Variants in IPO5 observed in about 807,000 individuals in gnomAD.
IPO5 encodes importin-5.
IPO5 carries 18 observed loss-of-function variants against 143.3 expected under a neutral mutation model. That is an observed-to-expected ratio of 0.13 (90% CI 0.09 to 0.19). The LOEUF (loss-of-function observed/expected upper bound fraction) is 0.19, where lower values mean the gene tolerates loss of function less well. Among genes scored for constraint, IPO5 ranks in the 10% least tolerant of loss-of-function variants. The pLI is 1.00. For synonymous variants in IPO5, 477 were observed against 465.7 expected (o/e 1.02, Z -0.31); for missense variants, 1,013 against 1,336.9 (o/e 0.76, Z 3.78).
intron 2 of IPO5, among the ~76,000 whole-genome samples, chr13:97,960,822 G>T (rs1001635477): frequency 1.5e-4 from 23 of 152,236 alleles, no homozygotes; most frequent in African/African-American, 5.5e-4. Flanking sequence ...GCCTCCCAAA[G>T]TGCTGGGATT....
intron 21 of IPO5, 23 bp from the exon 22 acceptor site, chr13:98,014,019 T>C: frequency 2.5e-6 from 4 of 1,597,230 alleles, no homozygotes; most frequent in Non-Finnish European, 3.4e-6. Flanking sequence ...AAACAGTCTT[T>C]TGAGGTTCCT....
In IPO5 at chr13:98,009,890, A is replaced by G. The variant is rs1298572892; in HGVS notation, c.1810A>G (p.Met604Val). 4 of 1,606,014 alleles carry G rather than the reference A, an allele frequency of 2.5e-6. No individual in the cohort carries two copies. The highest frequency in any genetic ancestry group is 2.6e-6 in the Non-Finnish European group (3 of 1,175,666). The change falls in exon 19 of 29, where the codon ATG becomes GTG. Residue 604 changes from methionine (M) to valine (V), a missense_variant. Met to Val is a conservative substitution (Grantham distance 21). Transcript: ENST00000651721. ...MEDDDPQISYMISAWARMCKI... is the reference protein window; with the variant it reads ...MEDDDPQISYVISAWARMCKI... The stretch of plus-strand genomic sequence containing the variant: ...TAAAATTTTTCCCCAGATCTCTTAC[A>G]TGATCTCAGCATGGGCCAGAATGTG...
At chr13:97,985,769 A>G (rs1291054803) in intron 6 of IPO5, 156 bp downstream of exon 6, 9 of 622,406 alleles carry the variant, frequency 1.4e-5, no homozygotes, top group Non-Finnish European at 2.2e-5. Flanking sequence ...ATTTAGAGCC[A>G]GAAATTACAG....
intron 25 of IPO5, among the ~76,000 whole-genome samples, chr13:98,017,592 C>T (rs1890211083): frequency 6.6e-6 from 1 of 152,014 alleles, no homozygotes; most frequent in South Asian, 2.1e-4. Context: ...GCCACTGCGC[C>T]CAGGCCTACG....
chr13:97,960,376 G>T (rs902008642), intron 2 of IPO5: 1 of 152,054 alleles, frequency 6.6e-6, no homozygotes, highest in Non-Finnish European at 1.5e-5. Flanking sequence ...GGTTATGAAT[G>T]GTTATCACTC....
At position 98,018,685 on chromosome 13, in the gene IPO5, T is replaced by C; in HGVS notation, c.2817T>C (p.Asn939=). Residue 939 remains asparagine (N), a synonymous_variant, in exon 26 of 29, where the codon AAT becomes AAC. Coordinates refer to ENST00000651721, the MANE Select transcript of IPO5 (RefSeq NM_002271.6). ...TCATGGCACAGTACGGTGGAGATAA[T>C]TATCGCCCTTTTTGTACAGGTACGT... The part of the protein sequence containing the change: ...LGVMAQYGGD[N]YRPFCTEALP... The C allele has an allele frequency of 6.2e-7, 1 of 1,614,000 alleles. No homozygotes were observed. Among genetic ancestry groups the C allele is most frequent in the Non-Finnish European group, 8.5e-7 (1 of 1,179,920 alleles).
intron 28 of IPO5, 62 bp downstream of exon 28, chr13:98,021,195 T>A: frequency 1.4e-6 from 2 of 1,429,814 alleles, no homozygotes; most frequent in Non-Finnish European, 9.4e-7. Flanking sequence ...TGTAGTCCTC[T>A]ATGAGAAGAA....
intron 2 of IPO5, chr13:97,963,380 T>C (rs1566442086): frequency 2.6e-5 from 4 of 151,546 alleles, no homozygotes; most frequent in Non-Finnish European, 5.9e-5. Context: ...AGCTTTTTTT[T>C]TTTTTTTTGA....
intron 11 of IPO5, among the ~76,000 whole-genome samples, chr13:97,995,079 T>C (rs929644819): frequency 6.7e-6 from 1 of 149,668 alleles, no homozygotes; most frequent in African/African-American, 2.5e-5. Context: ...GAGCCAAGAT[T>C]GCACCATTGC....
chr13:97,993,043 G>A lies in IPO5; in HGVS notation c.792+29G>A, dbSNP rs148571963. The stretch of plus-strand genomic sequence containing the variant: ...AATTAAGTACGTTAGTAAACGTTCT[G>A]TTTGTTATTTTCAGGGACTAATCTA... On this transcript the variant is annotated intron_variant, in intron 10 of 28. Coordinates refer to ENST00000651721, the MANE Select transcript of IPO5 (RefSeq NM_002271.6). 1,545 of 1,611,384 alleles carry A rather than the reference G, an allele frequency of 9.6e-4. 12 individuals carry two copies. In the African/African-American group the frequency reaches 0.018, roughly 19 times the overall value.
rs538423917 is a variant in IPO5 at position 98,015,722 on chromosome 13, T to A, written c.2438-4T>A. On this transcript the variant is annotated splice_polypyrimidine_tract_variant and splice_region_variant and intron_variant, in intron 23 of 28. Transcript: ENST00000651721. ...TTTAAAACATTTATTTGGGTGTGTTTTAGTTAAAAGACAAGATGAAGACTA... is the reference window on the plus strand; with the variant it reads ...TTTAAAACATTTATTTGGGTGTGTTATAGTTAAAAGACAAGATGAAGACTA... The A allele has an allele frequency of 1.9e-6, 3 of 1,609,052 alleles. No individual in the cohort carries two copies. Among genetic ancestry groups the A allele is most frequent in the South Asian group, 2.2e-5 (2 of 90,700 alleles).
intron 1 of IPO5, 180 bp from the exon 2 acceptor site, chr13:97,953,939 T>A (rs553909770): frequency 4.4e-6 from 2 of 456,034 alleles, no homozygotes; most frequent in South Asian, 3.1e-5. Context: ...TATGAAACAA[T>A]GACGATTTCA....
intron 3 of IPO5, among the ~76,000 whole-genome samples, chr13:97,974,181 G>A (rs975722617): frequency 2.0e-5 from 3 of 152,152 alleles, no homozygotes; most frequent in African/African-American, 7.2e-5. Flanking sequence ...ATTGCCAATA[G>A]AAACACATAT....
chr13:97,983,041 T>G (rs1032486855), intron 5 of IPO5, among the ~76,000 whole-genome samples: 1 of 152,182 alleles, frequency 6.6e-6, no homozygotes, highest in Non-Finnish European at 1.5e-5. Context: ...TGGCTAATTT[T>G]TGTATTTTTA....
At chr13:97,957,689 T>C (rs754291168) in intron 2 of IPO5, among the ~76,000 whole-genome samples, 9 of 152,134 alleles carry the variant, frequency 5.9e-5, no homozygotes, top group Non-Finnish European at 1.0e-4. Context: ...ACAATAAAAA[T>C]AAACAATTCT....
In IPO5 at chr13:97,969,401, C is replaced by T. The variant is rs543390137; in HGVS notation, c.-112-322C>T. Among the ~76,000 whole-genome samples the T allele has an allele frequency of 2.0e-5, 3 of 151,350 alleles. 1 individual carries two copies. The South Asian group carries it at 6.3e-4, about 32-fold the overall frequency. On this transcript the variant is annotated intron_variant, in intron 2 of 28. Coordinates refer to ENST00000651721, the MANE Select transcript of IPO5 (RefSeq NM_002271.6). Reference sequence around the variant, plus strand: ...GTTTTACCGTGTTAGCCAGGATGGTCTCCATCTCCTGACCTCGTGATCCGC... The same window carrying T: ...GTTTTACCGTGTTAGCCAGGATGGTTTCCATCTCCTGACCTCGTGATCCGC...
chr13:97,985,380 G>T, intron 5 of IPO5, 41 bp from the exon 6 acceptor site: 1 of 1,473,382 alleles, frequency 6.8e-7, no homozygotes, highest in Non-Finnish European at 9.5e-7. Flanking sequence ...TACATCAATG[G>T]CAGAGTGAAT....
intron 5 of IPO5, among the ~76,000 whole-genome samples, chr13:97,984,074 GT>G (rs1887116095): frequency 1.5e-5 from 2 of 135,868 alleles, no homozygotes; most frequent in South Asian, 4.8e-4. Flanking sequence ...CGCCTCCCGG[GT>G]TCACGCCATT....
At chr13:97,994,073 G>T (rs910965990) in intron 11 of IPO5, among the ~76,000 whole-genome samples, 1 of 152,204 alleles carries the variant, frequency 6.6e-6, no homozygotes, top group Non-Finnish European at 1.5e-5. Flanking sequence ...TTGGGAGGCC[G>T]AGGCGGGCAG....
Sources: allele counts gnomAD v4.1 joint callset (sites outside exome capture counted in the v4.1 genomes callset), GRCh38; gene constraint gnomAD v4.1.1; transcripts MANE v1.5; gene names NCBI Gene and HGNC (gene_info 2026-07-23, HGNC 2026-07-21).